The following SPRY3 variants were observed in gnomAD, a reference collection of about 807,000 sequenced individuals.
SPRY3 encodes the protein protein sprouty homolog 3.
A neutral mutation model predicts 20.2 loss-of-function variants in SPRY3; 15 were observed. That is an observed-to-expected ratio of 0.74 (90% CI 0.50 to 1.14). The LOEUF is 1.14. Among genes scored for constraint, SPRY3 ranks in the 50% most tolerant of loss-of-function variants. The pLI, the probability that SPRY3 is intolerant of heterozygous loss-of-function variation, is 0.00. For synonymous variants in SPRY3, 143 were observed against 136.5 expected, an observed-to-expected ratio of 1.05 and a Z score of -0.33; for missense variants, 364 against 363.9, an observed-to-expected ratio of 1.00 and a Z score of 0.00.
At chrX:155,707,051 CTT>C (rs2090956690) in intron 2 of SPRY3, among the ~76,000 whole-genome samples, 1 of 149,658 alleles carries the variant, frequency 6.7e-6, no homozygotes, top group South Asian at 2.1e-4. Context: ...TTAATTTGCT[CTT>C]GTTTTTCTAG....
intron 1 of SPRY3, among the ~76,000 whole-genome samples, chrX:155,648,077 T>C (rs1042671059): frequency 8.9e-6 from 1 of 112,550 alleles, no homozygotes; most frequent in Non-Finnish European, 1.9e-5. Flanking sequence ...TTTTTTTATA[T>C]GTTTGTTAGC....
At chrX:155,744,861 TC>T (rs1296985838) in intron 2 of SPRY3, among the ~76,000 whole-genome samples, 1 of 151,928 alleles carries the variant, frequency 6.6e-6, no homozygotes, top group East Asian at 1.9e-4. Context: ...TTTTTCATGC[TC>T]CCCCAGTTCA....
exon 4 of SPRY3, chrX:155,774,431 G>T (rs370795244): frequency 5.0e-6 from 8 of 1,613,900 alleles, no homozygotes; most frequent in African/African-American, 1.3e-5. Flanking sequence ...TATGGCACTT[G>T]TCTCTGCTGT....
intron 2 of SPRY3, among the ~76,000 whole-genome samples, chrX:155,735,074 A>T (rs1335401548): frequency 6.6e-6 from 1 of 151,874 alleles, no homozygotes; most frequent in African/African-American, 2.4e-5. Context: ...ATTAAAAAAA[A>T]TTTAACTTTT....
chrX:155,729,581 T>C (rs1305375064), intron 2 of SPRY3, among the ~76,000 whole-genome samples: 1 of 152,044 alleles, frequency 6.6e-6, no homozygotes, highest in Non-Finnish European at 1.5e-5. Flanking sequence ...GAGTGAAGTT[T>C]ATAGCTGTAA....
intron 2 of SPRY3, among the ~76,000 whole-genome samples, chrX:155,759,951 A>G (rs2091297808): frequency 6.6e-6 from 1 of 152,194 alleles, no homozygotes; most frequent in Admixed American, 6.5e-5. Flanking sequence ...ACTTCTTCAG[A>G]TAGAGTTTGA....
chrX:155,776,101 T>A (rs1569403763), exon 4 of SPRY3: 1 of 167,072 alleles, frequency 6.0e-6, no homozygotes, highest in Non-Finnish European at 1.5e-5. Context: ...AGGGCTCTAT[T>A]AACAGTGACA....
intron 1 of SPRY3, among the ~76,000 whole-genome samples, chrX:155,615,021 G>A (rs1557348735): frequency 9.0e-6 from 1 of 111,037 alleles, no homozygotes; most frequent in Non-Finnish European, 1.9e-5. Flanking sequence ...CTAACATTCC[G>A]GACCAGAGTT....
chrX:155,670,036 T>C (rs1371844849), intron 2 of SPRY3: 1 of 111,753 alleles, frequency 8.9e-6, no homozygotes, highest in Non-Finnish European at 1.9e-5. Context: ...ACACGTGATA[T>C]CGTTTATCTC....
intron 2 of SPRY3, among the ~76,000 whole-genome samples, chrX:155,749,675 T>C (rs1476890845): frequency 6.6e-6 from 1 of 151,756 alleles, no homozygotes; most frequent in African/African-American, 2.4e-5. Flanking sequence ...GGCCAAATTA[T>C]ATAGGACCTT....
chrX:155,682,839 A>G (rs1004362004), intron 2 of SPRY3, among the ~76,000 whole-genome samples: 1 of 112,372 alleles, frequency 8.9e-6, no homozygotes, highest in Admixed American at 9.4e-5. Flanking sequence ...AACATTCTAG[A>G]TGGCATAAAG....
exon 2 of SPRY3, chrX:155,781,858 G>C (rs1271568720): frequency 1.5e-5 from 2 of 130,898 alleles, no homozygotes; most frequent in Admixed American, 8.7e-5. Flanking sequence ...TTGAACACTT[G>C]TGTAGGTCGT....
At chrX:155,716,834 C>T (rs2091026231) in intron 2 of SPRY3, among the ~76,000 whole-genome samples, 1 of 151,190 alleles carries the variant, frequency 6.6e-6, no homozygotes, top group Non-Finnish European at 1.5e-5. Flanking sequence ...TTTCAATGTA[C>T]GTTTTTAAGA....
chrX:155,766,126 C>G (rs993827167), intron 2 of SPRY3, among the ~76,000 whole-genome samples: 8 of 152,214 alleles, frequency 5.3e-5, no homozygotes, highest in Non-Finnish European at 8.8e-5. Context: ...AAATTACACA[C>G]ACGCACATAC....
intron 1 of SPRY3, among the ~76,000 whole-genome samples, chrX:155,627,833 G>T (rs918209867): frequency 9.4e-6 from 1 of 105,922 alleles, no homozygotes. Flanking sequence ...CAACAGGCCC[G>T]TTATGTATTG....
At chrX:155,754,665 G>A (rs746892268) in intron 2 of SPRY3, among the ~76,000 whole-genome samples, 28 of 152,040 alleles carry the variant, frequency 1.8e-4, no homozygotes, top group African/African-American at 5.1e-4. Flanking sequence ...TATGTTTTCT[G>A]TAGATCACTT....
chrX:155,714,637 C>T (rs2091009013), intron 2 of SPRY3, among the ~76,000 whole-genome samples: 1 of 151,754 alleles, frequency 6.6e-6, no homozygotes, highest in Admixed American at 6.6e-5. Flanking sequence ...CAGCACTGGG[C>T]CTTACCCAAG....
chrX:155,628,661 G>A (rs1286787715), intron 1 of SPRY3, among the ~76,000 whole-genome samples: 2 of 112,177 alleles, frequency 1.8e-5, no homozygotes, highest in Admixed American at 9.4e-5. Context: ...TTATTAAAGG[G>A]TCAAGAAACA....
chrX:155,776,325 A>G (rs2091425540), exon 4 of SPRY3: 1 of 166,818 alleles, frequency 6.0e-6, no homozygotes, highest in Non-Finnish European at 1.5e-5. Flanking sequence ...CATTGCATCT[A>G]CTCTTTGCTG....
Sources: gnomAD v4.1 joint callset for allele counts (sites outside exome capture counted in the v4.1 genomes callset) on GRCh38, gnomAD v4.1.1 for gene constraint, MANE v1.5 for transcripts, NCBI Gene and HGNC (gene_info 2026-07-23, HGNC 2026-07-21) for gene names.